Variants in CRAMP1 observed in about 807,000 individuals in gnomAD.
CRAMP1 encodes the protein cramped chromatin regulator 1.
Under a neutral mutation model 115.4 loss-of-function variants are expected in CRAMP1, and 50 were observed. The observed-to-expected ratio is 0.43, with a 90% CI of 0.35 to 0.55. The LOEUF (loss-of-function observed/expected upper bound fraction) is 0.55. CRAMP1 is among the 20% of genes least tolerant of loss of function. The pLI is 0.01. For synonymous variants in CRAMP1, 866 were observed against 745.4 expected, an observed-to-expected ratio of 1.16 and a Z score of -2.64; for missense variants, 1,679 against 1,721.7, an observed-to-expected ratio of 0.98 and a Z score of 0.44.
At chr16:1,647,931 C>T (rs1269573215) in intron 6 of CRAMP1, among the ~76,000 whole-genome samples, 2 of 151,518 alleles carry the variant, frequency 1.3e-5, no homozygotes, top group Non-Finnish European at 2.9e-5. Flanking sequence ...GGTATGGACC[C>T]ACGTCCCGGA....
rs1202657524 is a variant in CRAMP1, at chr16:1,671,671, A to C, written c.3645+862A>C. Among the ~76,000 whole-genome samples the C allele has an allele frequency of 1.3e-5, 2 of 152,158 alleles. No homozygotes were observed. The highest frequency in any genetic ancestry group is 3.9e-4 in the East Asian group (2 of 5,172). On this transcript the variant is annotated intron_variant, in intron 20 of 20. Transcript: ENST00000397412. The surrounding 1 kb of genome is among the most constrained non-coding windows in gnomAD (Gnocchi z 5.0). ...GCATTCCCCGAATCTAGTCCCCACAATGTTGAGACATTGGCAGGTGTTCCT... is the reference window on the plus strand; with the variant it reads ...GCATTCCCCGAATCTAGTCCCCACACTGTTGAGACATTGGCAGGTGTTCCT...
chr16:1,664,243 C>G (rs1211672668), intron 13 of CRAMP1, among the ~76,000 whole-genome samples: 1 of 152,178 alleles, frequency 6.6e-6, no homozygotes, highest in African/African-American at 2.4e-5. Flanking sequence ...GATGGTAGTC[C>G]TTGTCACTCA....
rs548357541 is a variant in CRAMP1, at chr16:1,632,688, G to A, written c.694+323G>A. ...TCACCTGAAGCCTGTGGTCTCCACT[G>A]CAAATGATAGCACCATGGTCCAGCG... On this transcript the variant is annotated intron_variant, in intron 4 of 20. Transcript: ENST00000397412. Among the ~76,000 whole-genome samples, 11 of 152,368 alleles carry A rather than the reference G, an allele frequency of 7.2e-5. No homozygotes were observed. The Middle Eastern group carries it at 0.014, about 188-fold the overall frequency.
At chr16:1,638,719 A>G (rs541084612) in intron 5 of CRAMP1, among the ~76,000 whole-genome samples, 154 of 152,270 alleles carry the variant, frequency 1.0e-3, no homozygotes, top group African/African-American at 3.5e-3. Flanking sequence ...GCCAGCTAGC[A>G]TGTCACAGCT....
At chr16:1,635,241 T>C (rs1040488824) in intron 4 of CRAMP1, among the ~76,000 whole-genome samples, 2 of 147,244 alleles carry the variant, frequency 1.4e-5, no homozygotes, top group East Asian at 1.9e-4. Context: ...CACTTTATCA[T>C]GGGTTTGTCT....
chr16:1,651,751 TAGAG>T (rs898991601), intron 6 of CRAMP1, among the ~76,000 whole-genome samples: 14 of 137,926 alleles, frequency 1.0e-4, no homozygotes, highest in Middle Eastern at 5.1e-3. Context: ...ACAGAGGTCA[TAGAG>T]AGGTGGACTG....
rs564898267 is a variant in CRAMP1 at position 1,647,269 on chromosome 16, C to A, written c.828-5227C>A. On this transcript the variant is annotated intron_variant, in intron 6 of 20. Coordinates refer to ENST00000397412, the MANE Select transcript of CRAMP1 (RefSeq NM_020825.4). ...TCTAAACTAAAGTGAAAGCTTACTACGTGGTTCGCAGACCCAGAGGCCTAA... is the reference window on the plus strand; with the variant it reads ...TCTAAACTAAAGTGAAAGCTTACTAAGTGGTTCGCAGACCCAGAGGCCTAA... Among the ~76,000 whole-genome samples the A allele has an allele frequency of 3.9e-5, 6 of 152,286 alleles. No homozygotes were observed. In the South Asian group the frequency reaches 1.2e-3, roughly 32 times the overall value.
chr16:1,626,187 C>T (rs758917215), intron 3 of CRAMP1, 21 bp downstream of exon 3: 16 of 1,460,784 alleles, frequency 1.1e-5, no homozygotes, highest in South Asian at 7.1e-5. Context: ...TGTGGAGGCA[C>T]GGCCAGGCAG....
intron 16 of CRAMP1, among the ~76,000 whole-genome samples, chr16:1,667,062 TC>T (rs1014869944): frequency 6.6e-6 from 1 of 152,068 alleles, no homozygotes; most frequent in African/African-American, 2.4e-5. Flanking sequence ...CTGTTAAGAC[TC>T]CAGGGAGCCC....
intron 3 of CRAMP1, among the ~76,000 whole-genome samples, chr16:1,629,132 C>T (rs2036529089): frequency 6.6e-6 from 1 of 152,190 alleles, no homozygotes; most frequent in Non-Finnish European, 1.5e-5. Context: ...CTTGTTTTTG[C>T]CATACAGTTC....
intron 2 of CRAMP1, among the ~76,000 whole-genome samples, chr16:1,623,969 C>A (rs917093837): frequency 2.0e-5 from 3 of 152,110 alleles, no homozygotes; most frequent in African/African-American, 7.2e-5. Context: ...GGAAAGCGGC[C>A]TGGGTGGGAC....
intron 5 of CRAMP1, among the ~76,000 whole-genome samples, chr16:1,639,035 C>T (rs1345270950): frequency 9.9e-5 from 15 of 151,948 alleles, no homozygotes; most frequent in Admixed American, 3.9e-4. Flanking sequence ...TCTCATCTGC[C>T]CTCTCTCAGC....
intron 6 of CRAMP1, among the ~76,000 whole-genome samples, chr16:1,649,057 TAA>T (rs371246325): frequency 1.2e-4 from 17 of 141,172 alleles, no homozygotes; most frequent in Admixed American, 1.4e-4. Flanking sequence ...AGACTCCATC[TAA>T]AAAAAAAAAA....
At chr16:1,640,453 C>T (rs985288507) in intron 5 of CRAMP1, among the ~76,000 whole-genome samples, 20 of 152,142 alleles carry the variant, frequency 1.3e-4, no homozygotes, top group Admixed American at 1.3e-3. Context: ...TGGTTTTCAG[C>T]CTGGTCGTTC....
At position 1,615,004 on chromosome 16, in the gene CRAMP1, T is replaced by G. The variant is rs1282896761; in HGVS notation, c.346+19T>G. ...GGAAAAGGTAGGGCGGCCCGTCCCC[T>G]TGGGAGACCCCAGCCCCTCTCCGGG... On this transcript the variant is annotated intron_variant, in intron 2 of 20. Coordinates refer to ENST00000397412, the MANE Select transcript of CRAMP1 (RefSeq NM_020825.4). 1 of 1,226,154 alleles carries G rather than the reference T, an allele frequency of 8.2e-7. No individual in the cohort carries two copies. Among genetic ancestry groups the G allele is most frequent in the Non-Finnish European group, 1.0e-6 (1 of 977,414 alleles). The allele number at this position is 1,226,154 out of a possible 1,614,324, so 76.0% of individuals were successfully genotyped here.
chr16:1,633,942 C>T (rs990139143), intron 4 of CRAMP1, among the ~76,000 whole-genome samples: 4 of 152,060 alleles, frequency 2.6e-5, no homozygotes, highest in Non-Finnish European at 4.4e-5. Context: ...GTGGTGCACA[C>T]CTGTACTCCC....
At chr16:1,667,208 A>T in intron 16 of CRAMP1, 127 bp from the exon 17 acceptor site, 1 of 702,392 alleles carries the variant, frequency 1.4e-6, no homozygotes, top group African/African-American at 1.7e-5. Context: ...CTGTCCATTT[A>T]CTGTCCCTCT....
intron 6 of CRAMP1, among the ~76,000 whole-genome samples, chr16:1,650,899 C>T (rs2036717041): frequency 6.6e-6 from 1 of 152,250 alleles, no homozygotes; most frequent in Non-Finnish European, 1.5e-5. Context: ...TGGGCCGCTG[C>T]CCAGAGCCAT....
In CRAMP1 at chr16:1,614,183, G is replaced by A. The variant is rs571402757; in HGVS notation, c.-1-456G>A. 1.5e-4 allele frequency among the ~76,000 whole-genome samples: 22 copies of A among 148,422 alleles called. No individual in the cohort carries two copies. The highest frequency in any genetic ancestry group is 5.4e-4 in the African/African-American group (22 of 41,050). ...GGCCCGGCCGGCCGAGGCGGCGCAG[G>A]GAGCGAGGCCGGCGCGCAGGGCCAG... is the stretch of plus-strand genomic sequence containing the variant. On this transcript the variant is annotated intron_variant, in intron 1 of 20. Transcript: ENST00000397412. This position sits in a 1 kb window ranked among gnomAD's most constrained non-coding sequence, Gnocchi z 4.4.
Sources: gnomAD v4.1 joint callset for allele counts (sites outside exome capture counted in the v4.1 genomes callset) on GRCh38, gnomAD v4.1.1 for gene constraint, Gnocchi (gnomAD v3.1) non-coding constraint, MANE v1.5 for transcripts, NCBI Gene and HGNC (gene_info 2026-07-23, HGNC 2026-07-21) for gene names.